PRRC2B: variants seen among roughly 807,000 people sequenced by gnomAD.
PRRC2B encodes proline rich coiled-coil 2B, also known as protein PRRC2B.
PRRC2B carries 68 observed loss-of-function variants against 242.3 expected under a neutral mutation model. The observed-to-expected ratio is 0.28, with a 90% confidence interval of 0.23 to 0.34. The LOEUF (loss-of-function observed/expected upper bound fraction) is 0.34. Ranked by LOEUF, PRRC2B falls within the 10% of genes least tolerant of loss-of-function variation. The probability of loss-of-function intolerance (pLI) is 1.00; values close to 1 mark genes in which losing one functional copy is unlikely to be tolerated. For missense variants in PRRC2B, 2,835 were observed against 2,954.8 expected (o/e 0.96, Z 0.94); for synonymous variants, 1,228 against 1,173.6 (o/e 1.05, Z -0.95).
chr9:131,459,401 G>T, intron 11 of PRRC2B, 45 bp downstream of exon 11: 1 of 1,522,744 alleles, frequency 6.6e-7, no homozygotes, highest in Non-Finnish European at 8.9e-7. Flanking sequence ...ACTTCATTGA[G>T]TTGGGTGGCT....
chr9:131,431,154 G>A (rs570857248), intron 2 of PRRC2B, among the ~76,000 whole-genome samples: 8 of 151,692 alleles, frequency 5.3e-5, no homozygotes, highest in East Asian at 1.9e-4. Context: ...TTTTTGAGAC[G>A]GAGTCTCACT....
chr9:131,414,453 C>T (rs1837588016), intron 1 of PRRC2B, among the ~76,000 whole-genome samples: 1 of 77,352 alleles, frequency 1.3e-5, no homozygotes, highest in South Asian at 5.7e-4. Flanking sequence ...GCAATCAATA[C>T]TAATTTGTAA....
intron 1 of PRRC2B, among the ~76,000 whole-genome samples, chr9:131,395,391 A>G (rs1479240373): frequency 6.6e-6 from 1 of 151,982 alleles, no homozygotes; most frequent in Non-Finnish European, 1.5e-5. Flanking sequence ...CGCTGCAGCC[A>G]TTTAGTCATG....
intron 1 of PRRC2B, among the ~76,000 whole-genome samples, chr9:131,425,071 A>T (rs1352909518): frequency 6.6e-6 from 1 of 151,892 alleles, no homozygotes; most frequent in African/African-American, 2.4e-5. Context: ...GGTTCAAGTG[A>T]TTCTGCTGCC....
chr9:131,453,811 C>T (rs973384395), intron 9 of PRRC2B, among the ~76,000 whole-genome samples: 2 of 152,184 alleles, frequency 1.3e-5, no homozygotes, highest in South Asian at 2.1e-4. Flanking sequence ...GGATTACAGG[C>T]GTGAGCCACT....
At chr9:131,428,926 C>T (rs1838047241) in intron 1 of PRRC2B, among the ~76,000 whole-genome samples, 1 of 152,220 alleles carries the variant, frequency 6.6e-6, no homozygotes. Flanking sequence ...GCCTGGCACA[C>T]AGGCCCTTGG....
At chr9:131,473,774 G>A in intron 15 of PRRC2B, 50 bp downstream of exon 15, 2 of 1,461,254 alleles carry the variant, frequency 1.4e-6, no homozygotes, top group Non-Finnish European at 1.9e-6. Flanking sequence ...AGGACTCCAG[G>A]TCCTAATTGA....
intron 1 of PRRC2B, among the ~76,000 whole-genome samples, chr9:131,400,963 C>CTTT (rs765033495): frequency 7.6e-6 from 1 of 131,360 alleles, no homozygotes; most frequent in African/African-American, 3.2e-5. Flanking sequence ...TTCTTTCTTT[C>CTTT]TTTTTTTTTT....
intron 1 of PRRC2B, among the ~76,000 whole-genome samples, chr9:131,421,002 T>C (rs1401723432): frequency 1.3e-5 from 2 of 152,214 alleles, no homozygotes; most frequent in Non-Finnish European, 2.9e-5. Flanking sequence ...GCAACCCCGA[T>C]TGCAGCCCAC....
intron 22 of PRRC2B, 151 bp from the exon 23 acceptor site, chr9:131,483,208 A>C: frequency 1.3e-6 from 1 of 782,000 alleles, no homozygotes; most frequent in Non-Finnish European, 2.1e-6. Context: ...CCGTGGGGAA[A>C]ATCTGGCCAT....
intron 16 of PRRC2B, among the ~76,000 whole-genome samples, chr9:131,476,849 G>A (rs891054351): frequency 1.3e-5 from 2 of 152,112 alleles, no homozygotes; most frequent in African/African-American, 4.8e-5. Context: ...AACGTTGCCT[G>A]TGCACAGTGC....
intron 30 of PRRC2B, among the ~76,000 whole-genome samples, chr9:131,493,870 T>A (rs4740254): frequency 6.7e-6 from 1 of 149,844 alleles, no homozygotes; most frequent in African/African-American, 2.5e-5. Flanking sequence ...GACCGCAGAC[T>A]TTTTTTTTTT....
intron 1 of PRRC2B, among the ~76,000 whole-genome samples, chr9:131,424,190 C>G (rs1307318096): frequency 1.3e-5 from 2 of 152,202 alleles, no homozygotes; most frequent in African/African-American, 4.8e-5. Context: ...GATCCGCCTG[C>G]TTCAGCTCCC....
chr9:131,458,654 T>C (rs1052021018), intron 10 of PRRC2B, among the ~76,000 whole-genome samples: 1 of 152,062 alleles, frequency 6.6e-6, no homozygotes, highest in Non-Finnish European at 1.5e-5. Context: ...AGGTGCCTGC[T>C]ACCACACCTG....
intron 4 of PRRC2B, 129 bp downstream of exon 4, chr9:131,436,851 C>T (rs778891253): frequency 6.6e-5 from 46 of 701,676 alleles, no homozygotes; most frequent in Non-Finnish European, 9.9e-5. Flanking sequence ...TCCAGAGGCA[C>T]ACCCGATGAG....
chr9:131,438,655 C>T (rs1481150907), intron 4 of PRRC2B, among the ~76,000 whole-genome samples: 1 of 152,164 alleles, frequency 6.6e-6, no homozygotes. Flanking sequence ...TCTCTGTGGA[C>T]ACGGGAGGTT....
chr9:131,456,664 T>C (rs903137735), intron 10 of PRRC2B, among the ~76,000 whole-genome samples: 3 of 150,986 alleles, frequency 2.0e-5, no homozygotes, highest in Non-Finnish European at 4.4e-5. Context: ...CCACAATTAG[T>C]TGGGCGTGGT....
intron 5 of PRRC2B, among the ~76,000 whole-genome samples, chr9:131,442,204 C>T (rs781063293): frequency 4.0e-5 from 6 of 151,464 alleles, no homozygotes; most frequent in Non-Finnish European, 8.8e-5. Context: ...GCAGTTTTGG[C>T]TCACTATAGC....
chr9:131,401,294 C>T (rs1418313801), intron 1 of PRRC2B, among the ~76,000 whole-genome samples: 3 of 152,142 alleles, frequency 2.0e-5, no homozygotes, highest in Admixed American at 1.3e-4. Context: ...AGAACGTTCT[C>T]ATCTTCCCAA....
Sources: allele counts gnomAD v4.1 joint callset (sites outside exome capture counted in the v4.1 genomes callset), GRCh38; gene constraint gnomAD v4.1.1; transcripts MANE v1.5; gene names NCBI Gene and HGNC (gene_info 2026-07-23, HGNC 2026-07-21).